KCNK9: variants seen among roughly 807,000 people sequenced by gnomAD.
KCNK9 encodes the protein potassium two pore domain channel subfamily K member 9.
A neutral mutation model predicts 10.8 loss-of-function variants in KCNK9; 1 was observed. That is an observed-to-expected ratio of 0.09 (90% CI 0.03 to 0.44). KCNK9 has a LOEUF of 0.44. Among genes scored for constraint, KCNK9 ranks in the 20% least tolerant of loss-of-function variants. KCNK9 has a pLI of 0.97. For synonymous variants in KCNK9, 231 were observed against 222.7 expected (o/e 1.04, Z -0.33); for missense variants, 303 against 515.0 (o/e 0.59, Z 3.98).
chr8:139,667,277 T>C (rs1312308216), intron 1 of KCNK9, among the ~76,000 whole-genome samples: 1 of 152,228 alleles, frequency 6.6e-6, no homozygotes, highest in Non-Finnish European at 1.5e-5. Flanking sequence ...GTTCAGTCCC[T>C]AAAGGCCTCT....
At chr8:139,645,589 G>A (rs968048506) in intron 1 of KCNK9, among the ~76,000 whole-genome samples, 1 of 152,094 alleles carries the variant, frequency 6.6e-6, no homozygotes, top group African/African-American at 2.4e-5. Context: ...CTGACACAGG[G>A]CCCAGAGCAG....
At chr8:139,685,890 C>T (rs918656859) in intron 1 of KCNK9, among the ~76,000 whole-genome samples, 2 of 152,158 alleles carry the variant, frequency 1.3e-5, no homozygotes, top group Non-Finnish European at 1.5e-5. Context: ...CTAATTTACA[C>T]TCCCACCAAC....
At chr8:139,640,042 G>A (rs1815454639) in intron 1 of KCNK9, among the ~76,000 whole-genome samples, 1 of 152,042 alleles carries the variant, frequency 6.6e-6, no homozygotes, top group African/African-American at 2.4e-5. Flanking sequence ...GCCCTGGCGA[G>A]CCAATACCTG....
In KCNK9 at chr8:139,656,331, C is replaced by T. The variant is rs991268446; in HGVS notation, c.284-37232G>A. 7.2e-5 allele frequency among the ~76,000 whole-genome samples: 11 copies of T among 152,316 alleles called. No homozygotes were observed. The East Asian group carries it at 1.9e-3, about 27-fold the overall frequency. Reference sequence around the variant, plus strand: ...CAGCCTGGGCCACTAACTCTTTGGCCCCTCCAGCCCACATGCACCTGAGGT... The same window carrying T: ...CAGCCTGGGCCACTAACTCTTTGGCTCCTCCAGCCCACATGCACCTGAGGT... On this transcript the variant is annotated intron_variant, in intron 1 of 1. Transcript: ENST00000520439.
intron 1 of KCNK9, among the ~76,000 whole-genome samples, chr8:139,668,098 T>G (rs1166317451): frequency 1.3e-5 from 2 of 152,244 alleles, no homozygotes. Context: ...TGTCTGTGTG[T>G]CAGCATTTTT....
intron 1 of KCNK9, among the ~76,000 whole-genome samples, chr8:139,645,689 C>A (rs551720240): frequency 1.3e-5 from 2 of 152,270 alleles, no homozygotes; most frequent in African/African-American, 4.8e-5. Flanking sequence ...GCTTGTTTTG[C>A]AGAGAGCTTC....
intron 1 of KCNK9, among the ~76,000 whole-genome samples, chr8:139,652,798 T>A (rs1472887256): frequency 1.3e-5 from 2 of 152,178 alleles, no homozygotes; most frequent in African/African-American, 4.8e-5. Flanking sequence ...CCCCTTGGCA[T>A]GTGGCACACT....
At chr8:139,629,143 G>A (rs1263098383) in intron 1 of KCNK9, among the ~76,000 whole-genome samples, 1 of 152,222 alleles carries the variant, frequency 6.6e-6, no homozygotes, top group African/African-American at 2.4e-5. Flanking sequence ...TGGATTGGAA[G>A]GCTGAGCCTC....
At chr8:139,619,207 G>T in intron 1 of KCNK9, 108 bp from the exon 2 acceptor site, 1 of 1,246,966 alleles carries the variant, frequency 8.0e-7, no homozygotes, top group Non-Finnish European at 1.1e-6. Context: ...AGAGGGACCT[G>T]GTACTGGGGG....
Position 139,618,855 on chromosome 8 carries a change from G to C in KCNK9, c.528C>G (p.Ala176=). Residue 176 remains alanine, a synonymous_variant, in exon 2 of 2, where the codon GCC becomes GCG. Coordinates refer to ENST00000520439, the MANE Select transcript of KCNK9 (RefSeq NM_001282534.2). The surrounding 1 kb of genome is among the most constrained non-coding windows in gnomAD (Gnocchi z 7.9). ...SCMGTLCIGA[A]AFSQCEEWSF... is the part of the protein sequence containing the mutation. ...TCCACTCCTCACACTGGGAGAAGGC[G>C]GCCGCCCCGATGCACAGCGTCCCCA... 2 of 1,614,232 alleles carry C rather than the reference G, an allele frequency of 1.2e-6. No homozygotes were observed. Among genetic ancestry groups the C allele is most frequent in the Non-Finnish European group, 1.7e-6 (2 of 1,180,052 alleles).
chr8:139,623,209 G>A (rs1814849395), intron 1 of KCNK9, among the ~76,000 whole-genome samples: 1 of 152,160 alleles, frequency 6.6e-6, no homozygotes, highest in Non-Finnish European at 1.5e-5. Context: ...AGGAGAATGA[G>A]GTACAAATCT....
intron 1 of KCNK9, among the ~76,000 whole-genome samples, chr8:139,641,602 C>T (rs1278634907): frequency 6.8e-6 from 1 of 147,176 alleles, no homozygotes; most frequent in Non-Finnish European, 1.5e-5. Context: ...AGCTGGTGGC[C>T]TCCCGCTCTG....
chr8:139,698,469 G>A (rs1453968399), intron 1 of KCNK9, among the ~76,000 whole-genome samples: 1 of 152,220 alleles, frequency 6.6e-6, no homozygotes, highest in African/African-American at 2.4e-5. Context: ...AGACTTCTTG[G>A]AGGACAAGCC....
At chr8:139,684,135 A>G (rs1187840452) in intron 1 of KCNK9, among the ~76,000 whole-genome samples, 1 of 152,222 alleles carries the variant, frequency 6.6e-6, no homozygotes, top group African/African-American at 2.4e-5. Flanking sequence ...CATCCCACCC[A>G]GACATGCCCT....
chr8:139,684,440 C>A (rs1447128093), intron 1 of KCNK9, among the ~76,000 whole-genome samples: 1 of 152,078 alleles, frequency 6.6e-6, no homozygotes, highest in African/African-American at 2.4e-5. Context: ...ATTTTTATGT[C>A]TTTTGTTATA....
intron 1 of KCNK9, among the ~76,000 whole-genome samples, chr8:139,645,487 C>T (rs1177941953): frequency 1.3e-5 from 2 of 152,174 alleles, no homozygotes; most frequent in East Asian, 1.9e-4. Flanking sequence ...CTCCAGCCCA[C>T]GGCTTCCCTG....
At chr8:139,697,339 GTGGATGGT>G (rs1316914046) in intron 1 of KCNK9, among the ~76,000 whole-genome samples, 39 of 141,180 alleles carry the variant, frequency 2.8e-4, no homozygotes, top group South Asian at 9.8e-4. Flanking sequence ...GAATGGGTGA[GTGGATGGT>G]TGGATGGATG....
intron 1 of KCNK9, among the ~76,000 whole-genome samples, chr8:139,689,450 G>A (rs1816889083): frequency 6.6e-6 from 1 of 152,198 alleles, no homozygotes; most frequent in African/African-American, 2.4e-5. Flanking sequence ...GGCATGGTCA[G>A]ATGGCAGGCT....
rs189155460 is a variant in KCNK9 at position 139,654,182 on chromosome 8, T to C, written c.284-35083A>G. On this transcript the variant is annotated intron_variant, in intron 1 of 1. Coordinates refer to ENST00000520439, the MANE Select transcript of KCNK9 (RefSeq NM_001282534.2). ...AAGAATCACTGAGGAATAGCTGAAG[T>C]TTGTCTGAATTTTCTGCCTGTATAT... is the stretch of plus-strand genomic sequence containing the variant. Among the ~76,000 whole-genome samples the C allele has an allele frequency of 3.9e-5, 6 of 152,100 alleles. No individual in the cohort carries two copies. The East Asian group carries it at 1.2e-3, about 29-fold the overall frequency.
Sources: gnomAD v4.1 joint callset for allele counts (sites outside exome capture counted in the v4.1 genomes callset) on GRCh38, gnomAD v4.1.1 for gene constraint, Gnocchi (gnomAD v3.1) non-coding constraint, MANE v1.5 for transcripts, NCBI Gene and HGNC (gene_info 2026-07-23, HGNC 2026-07-21) for gene names.